Variants in TBC1D32 observed in about 807,000 individuals in gnomAD.
The protein encoded by TBC1D32 is TBC1 domain family member 32.
Under a neutral mutation model 170.3 loss-of-function variants are expected in TBC1D32, and 151 were observed. The observed-to-expected ratio is 0.89, with a 90% CI of 0.78 to 1.01. The LOEUF (loss-of-function observed/expected upper bound fraction) is 1.01, where lower values mean the gene tolerates loss of function less well. TBC1D32 is among the 50% of genes least tolerant of loss of function. TBC1D32 has a pLI of 0.00. For missense variants in TBC1D32, 1,464 were observed against 1,457.1 expected, an observed-to-expected ratio of 1.00 and a Z score of -0.08; for synonymous variants, 498 against 488.0, an observed-to-expected ratio of 1.02 and a Z score of -0.27.
intron 23 of TBC1D32, among the ~76,000 whole-genome samples, chr6:121,160,376 G>A (rs1287102967): frequency 2.3e-5 from 1 of 43,176 alleles, no homozygotes; most frequent in Admixed American, 2.7e-4. Flanking sequence ...TAAATTTACT[G>A]TGTTTTTTTT....
At chr6:121,197,853 T>C (rs1000720078) in intron 22 of TBC1D32, among the ~76,000 whole-genome samples, 1 of 152,146 alleles carries the variant, frequency 6.6e-6, no homozygotes, top group African/African-American at 2.4e-5. Flanking sequence ...GTGCTGCCAA[T>C]GAAGATTAAC....
chr6:121,331,232 A>G (rs1010406591), intron 1 of TBC1D32, among the ~76,000 whole-genome samples: 2 of 151,958 alleles, frequency 1.3e-5, no homozygotes, highest in African/African-American at 2.4e-5. Context: ...TTTGAGACGG[A>G]GTCTCTCTCT....
intron 12 of TBC1D32, among the ~76,000 whole-genome samples, chr6:121,284,470 T>C (rs1803496960): frequency 6.6e-6 from 1 of 152,182 alleles, no homozygotes; most frequent in Non-Finnish European, 1.5e-5. Flanking sequence ...TAAAATTTAA[T>C]GTATATTTCT....
chr6:121,249,952 C>T (rs1798083025), intron 17 of TBC1D32, among the ~76,000 whole-genome samples: 1 of 151,682 alleles, frequency 6.6e-6, no homozygotes, highest in Admixed American at 6.6e-5. Flanking sequence ...AAAAATACCA[C>T]CATCATTCTT....
At chr6:121,122,038 C>T (rs1365448652) in intron 26 of TBC1D32, among the ~76,000 whole-genome samples, 3 of 151,964 alleles carry the variant, frequency 2.0e-5, no homozygotes, top group East Asian at 3.9e-4. Context: ...CACCTAATCT[C>T]CCCTTCCTTT....
chr6:121,192,909 C>T (rs1242309095), intron 22 of TBC1D32, among the ~76,000 whole-genome samples: 1 of 152,082 alleles, frequency 6.6e-6, no homozygotes, highest in Non-Finnish European at 1.5e-5. Context: ...AGACAGTTGC[C>T]CAGAAAATAA....
At position 121,294,537 on chromosome 6, in the gene TBC1D32, T is replaced by G. The variant is rs769392043; in HGVS notation, c.1231+33A>C. 2.0e-6 allele frequency: 3 copies of G among 1,515,850 alleles called. No individual in the cohort carries two copies. In the South Asian group the frequency reaches 3.6e-5, roughly 18 times the overall value. 93.9% of individuals were successfully genotyped at this position (1,515,850 alleles called of 1,614,324 possible). A position where few individuals can be genotyped will look rare whatever the true frequency, so the allele number is the denominator to read the frequency against. Reference sequence around the variant, plus strand: ...TATTTACTAATAAAATTTACCATTTTTAAAAGTATGTAATAGAGGAAATAA... The same window carrying G: ...TATTTACTAATAAAATTTACCATTTGTAAAAGTATGTAATAGAGGAAATAA... On this transcript the variant is annotated intron_variant, in intron 11 of 31. Coordinates refer to ENST00000398212, the MANE Select transcript of TBC1D32 (RefSeq NM_152730.6).
chr6:121,142,171 G>A (rs1207427982), intron 24 of TBC1D32, among the ~76,000 whole-genome samples: 1 of 152,206 alleles, frequency 6.6e-6, no homozygotes, highest in Non-Finnish European at 1.5e-5. Context: ...CCCCTAGCCC[G>A]CTCTTTCACT....
intron 20 of TBC1D32, among the ~76,000 whole-genome samples, chr6:121,232,486 G>C (rs1427185459): frequency 1.3e-5 from 2 of 152,030 alleles, no homozygotes; most frequent in African/African-American, 4.8e-5. Flanking sequence ...GATAGGAATT[G>C]CATTGAATCT....
At chr6:121,170,366 G>C (rs758861703) in intron 22 of TBC1D32, 1 of 1,532,796 alleles carries the variant, frequency 6.5e-7, no homozygotes, top group Non-Finnish European at 8.7e-7. Flanking sequence ...CATCTCTAAA[G>C]AAAACTGCTG....
chr6:121,118,015 A>G (rs1779861090), intron 26 of TBC1D32, among the ~76,000 whole-genome samples: 1 of 152,174 alleles, frequency 6.6e-6, no homozygotes, highest in Non-Finnish European at 1.5e-5. Context: ...ATCCATATGC[A>G]TGGCTGGTAA....
chr6:121,258,156 C>T (rs1356896260), intron 15 of TBC1D32, among the ~76,000 whole-genome samples: 1 of 152,008 alleles, frequency 6.6e-6, no homozygotes, highest in African/African-American at 2.4e-5. Context: ...TTCCTTATGA[C>T]ATTACTATAA....
At chr6:121,145,869 A>AT (rs549141118) in intron 24 of TBC1D32, among the ~76,000 whole-genome samples, 2 of 152,148 alleles carry the variant, frequency 1.3e-5, no homozygotes, top group Non-Finnish European at 2.9e-5. Flanking sequence ...GGGTTAATGG[A>AT]TTAATGGTCT....
At chr6:121,198,985 C>T (rs1421685356) in intron 22 of TBC1D32, among the ~76,000 whole-genome samples, 4 of 151,028 alleles carry the variant, frequency 2.6e-5, no homozygotes, top group Non-Finnish European at 5.9e-5. Context: ...AGCAAAGACG[C>T]AATAAATATT....
intron 10 of TBC1D32, among the ~76,000 whole-genome samples, chr6:121,295,820 GAA>G (rs1317076562): frequency 6.6e-6 from 1 of 152,148 alleles, no homozygotes; most frequent in Non-Finnish European, 1.5e-5. Context: ...GTTGTATGCA[GAA>G]AAGAGGTAAC....
At chr6:121,140,167 A>G (rs1380813418) in intron 24 of TBC1D32, among the ~76,000 whole-genome samples, 1 of 152,076 alleles carries the variant, frequency 6.6e-6, no homozygotes, top group Non-Finnish European at 1.5e-5. Context: ...CATAGAACCC[A>G]ATGATTCAAG....
chr6:121,289,402 T>C (rs554756632), intron 12 of TBC1D32, among the ~76,000 whole-genome samples: 3 of 152,260 alleles, frequency 2.0e-5, no homozygotes, highest in East Asian at 3.9e-4. Flanking sequence ...CCATTCACAA[T>C]TGCTTCAAAG....
intron 15 of TBC1D32, among the ~76,000 whole-genome samples, chr6:121,271,635 C>T (rs1442160506): frequency 6.6e-6 from 1 of 152,160 alleles, no homozygotes; most frequent in Admixed American, 6.5e-5. Flanking sequence ...AATGGAAGAA[C>T]ATTCCATGGT....
chr6:121,134,666 T>C (rs1781838626), intron 24 of TBC1D32, among the ~76,000 whole-genome samples: 1 of 152,148 alleles, frequency 6.6e-6, no homozygotes. Context: ...CAATTTGCAT[T>C]ACTCAAAGTT....
Sources: allele counts gnomAD v4.1 joint callset (sites outside exome capture counted in the v4.1 genomes callset), GRCh38; gene constraint gnomAD v4.1.1; transcripts MANE v1.5; gene names NCBI Gene and HGNC (gene_info 2026-07-23, HGNC 2026-07-21).